ZNF619: variants seen among roughly 807,000 people sequenced by gnomAD.
ZNF619 encodes zinc finger protein 619.
In ZNF619, 9 loss-of-function variants were observed where a neutral mutation model predicts 14.2. The observed-to-expected ratio is 0.64, with a 90% confidence interval of 0.38 to 1.11. The LOEUF (loss-of-function observed/expected upper bound fraction) is 1.11, where lower values mean the gene tolerates loss of function less well. ZNF619 is among the 50% of genes least tolerant of loss of function. The pLI is 0.01. For synonymous variants in ZNF619, 246 were observed against 252.8 expected (o/e 0.97, Z 0.26); for missense variants, 659 against 680.1 (o/e 0.97, Z 0.34).
rs1230290372 is a variant in ZNF619, at chr3:40,489,459, G to T, written c.*1218G>T. 1 of 152,414 alleles carries T rather than the reference G, an allele frequency of 6.6e-6. No homozygotes were observed. Among genetic ancestry groups the T allele is most frequent in the African/African-American group, 2.4e-5 (1 of 41,252 alleles). 9.4% of individuals were successfully genotyped at this position (152,414 alleles called of 1,614,324 possible). A position where few individuals can be genotyped will look rare whatever the true frequency, so the allele number is the denominator to read the frequency against. On this transcript the variant is annotated 3_prime_UTR_variant, in exon 5 of 5. Coordinates refer to ENST00000432264, the MANE Select transcript of ZNF619 (RefSeq NM_001145093.4). The stretch of plus-strand genomic sequence containing the variant: ...GACAGAGTTTTGCCATGTTGCCCAG[G>T]CTGGTCTCAAAACTCCTGGACTCAA...
Position 40,482,000 on chromosome 3 carries a change from A to G in ZNF619, c.162A>G (p.Ala54=). 6.2e-7 allele frequency: 1 copy of G among 1,600,592 alleles called. No individual in the cohort carries two copies. Among genetic ancestry groups the G allele is most frequent in the Non-Finnish European group, 8.5e-7 (1 of 1,175,386 alleles). ...GGGAGGTGATGCTGGAGAATTATGCAAATGTGACTTCCTTGTGTAAGTCCT... is the reference window on the plus strand; with the variant it reads ...GGGAGGTGATGCTGGAGAATTATGCGAATGTGACTTCCTTGTGTAAGTCCT... ...LYREVMLENY[A]NVTSLSAFPF... Residue 54 remains alanine, a synonymous_variant, in exon 3 of 5, where the codon GCA becomes GCG. Coordinates refer to ENST00000432264, the MANE Select transcript of ZNF619 (RefSeq NM_001145093.4).
intron 4 of ZNF619, among the ~76,000 whole-genome samples, chr3:40,483,327 G>A (rs58878168): frequency 0.029 from 4,162 of 141,370 alleles, 205 homozygotes; most frequent in African/African-American, 0.1. Context: ...GTCTCGCTTT[G>A]TTGCCTAGGC....
At chr3:40,484,639 C>G (rs1026933543) in intron 4 of ZNF619, among the ~76,000 whole-genome samples, 6 of 152,212 alleles carry the variant, frequency 3.9e-5, no homozygotes, top group African/African-American at 1.4e-4. Flanking sequence ...TGTACATTTT[C>G]TATTTAGCCT....
chr3:40,483,247 G>A (rs1049437570), intron 4 of ZNF619, among the ~76,000 whole-genome samples: 2 of 151,276 alleles, frequency 1.3e-5, no homozygotes, highest in African/African-American at 2.4e-5. Context: ...CTGTTGGTTC[G>A]TCAGCTCAGG....
rs1246655706 is a variant in ZNF619, at chr3:40,488,529, G to A, written c.*288G>A. On this transcript the variant is annotated 3_prime_UTR_variant, in exon 5 of 5. Transcript: ENST00000432264. ...TGGAAGAGTTTGCAGAACATTTTGG[G>A]GTTTAGGGCATATGGCATTATGATT... 2 of 388,646 alleles carry A rather than the reference G, an allele frequency of 5.1e-6. No individual in the cohort carries two copies. Among genetic ancestry groups the A allele is most frequent in the Non-Finnish European group, 9.2e-6 (2 of 218,482 alleles). 24.1% of individuals were successfully genotyped at this position (388,646 alleles called of 1,614,324 possible).
At position 40,482,688 on chromosome 3, in the gene ZNF619, G is replaced by C; in HGVS notation, c.279G>C (p.Leu93=). Residue 93 remains leucine, a synonymous_variant, in exon 4 of 5, where the codon CTG becomes CTC. Transcript: ENST00000432264. ...GGACACTTGCTGGGGGAGAGGCCCT[G>C]AGAGGCATGTGCACAGGTGAGCAGG... is the stretch of plus-strand genomic sequence containing the variant. ...DPWTLAGGEA[L]RGMCTGGKTK... 2 of 1,613,782 alleles carry C rather than the reference G, an allele frequency of 1.2e-6. No homozygotes were observed. The highest frequency in any genetic ancestry group is 1.7e-6 in the Non-Finnish European group (2 of 1,179,830).
At chr3:40,477,580 G>C (rs1435086025) in intron 1 of ZNF619, among the ~76,000 whole-genome samples, 1 of 152,212 alleles carries the variant, frequency 6.6e-6, no homozygotes, top group Middle Eastern at 3.4e-3. Flanking sequence ...ACTTGTTTTG[G>C]GTTTTTGCCA....
chr3:40,480,053 CTAAG>C (rs1278561834), intron 2 of ZNF619, among the ~76,000 whole-genome samples: 3 of 152,066 alleles, frequency 2.0e-5, no homozygotes, highest in Admixed American at 1.3e-4. Flanking sequence ...TCTGGAGAAG[CTAAG>C]TGTTTCAGAA....
In ZNF619 at chr3:40,488,497, C is replaced by G. The variant is rs1697714657; in HGVS notation, c.*256C>G. 2.2e-6 allele frequency: 1 copy of G among 449,638 alleles called. No homozygotes were observed. Among genetic ancestry groups the G allele is most frequent in the Non-Finnish European group, 3.9e-6 (1 of 256,264 alleles). 27.9% of individuals were successfully genotyped at this position (449,638 alleles called of 1,614,324 possible). On this transcript the variant is annotated 3_prime_UTR_variant, in exon 5 of 5. Transcript: ENST00000432264. ...AGTCTGCATCTCTCTTCTGGGGCTA[C>G]TGGAGTTGGAAGAGTTTGCAGAACA...
Position 40,488,204 on chromosome 3 carries a change from C to A in ZNF619, c.1694C>A (p.Ser565Tyr), listed in dbSNP as rs752905504. 1.9e-6 allele frequency: 3 copies of A among 1,600,568 alleles called. No homozygotes were observed. The South Asian group carries it at 3.4e-5, about 18-fold the overall frequency. The change falls in exon 5 of 5, where the codon TCC becomes TAC. Residue 565 changes from serine to tyrosine, a missense_variant. Ser to Tyr is a moderately radical substitution (Grantham distance 144, BLOSUM62 -2). Transcript: ENST00000432264. ...GATCTCGCTTTTCCTGGGAAGTCAT[C>A]CCTTCAGAGCCCGAATCCTTTGTCT... ...FQDLAFPGKSSLQSPNPLSHS... is the reference protein window; with the variant it reads ...FQDLAFPGKSYLQSPNPLSHS...
chr3:40,482,401 T>C, intron 3 of ZNF619, 187 bp from the exon 4 acceptor site: 1 of 1,594,762 alleles, frequency 6.3e-7, no homozygotes, highest in Non-Finnish European at 8.6e-7. Context: ...TCTGGGAGCA[T>C]TCTGTCCTCT....
chr3:40,477,752 A>G, intron 1 of ZNF619, 166 bp from the exon 2 acceptor site: 1 of 554,460 alleles, frequency 1.8e-6, no homozygotes, highest in South Asian at 2.1e-5. Context: ...TCTATAGGAG[A>G]ATATGCAGAG....
At chr3:40,478,119 ATG>A in intron 2 of ZNF619, 116 bp downstream of exon 2, 1 of 984,340 alleles carries the variant, frequency 1.0e-6, no homozygotes. Context: ...TCAATAAAGT[ATG>A]TAAAAACAGT....
chr3:40,480,808 C>G (rs1697366429), intron 2 of ZNF619, among the ~76,000 whole-genome samples: 1 of 152,116 alleles, frequency 6.6e-6, no homozygotes, highest in East Asian at 1.9e-4. Flanking sequence ...CCCAAATCTT[C>G]TAGTACTTCT....
Position 40,478,811 on chromosome 3 carries a change from A to C in ZNF619, c.24+808A>C, listed in dbSNP as rs560541318. ...AAAGCTCCATCCCAAGGACTTAAAA[A>C]CAATGTGTGTGTCCTTTTGGTGGAT... On this transcript the variant is annotated intron_variant, in intron 2 of 4. Transcript: ENST00000432264. Among the ~76,000 whole-genome samples the C allele has an allele frequency of 3.3e-5, 5 of 151,876 alleles. No homozygotes were observed. In the South Asian group the frequency reaches 1.0e-3, roughly 32 times the overall value.
chr3:40,481,350 G>C (rs1171995558), intron 2 of ZNF619, among the ~76,000 whole-genome samples: 2 of 152,204 alleles, frequency 1.3e-5, no homozygotes, highest in Non-Finnish European at 2.9e-5. Context: ...AAGTAACACT[G>C]CACATCACCT....
chr3:40,479,293 T>C lies in ZNF619; in HGVS notation c.24+1290T>C, dbSNP rs542791808. 1.5e-4 allele frequency among the ~76,000 whole-genome samples: 23 copies of C among 152,336 alleles called. No homozygotes were observed. In the South Asian group the frequency reaches 3.9e-3, roughly 26 times the overall value. Reference sequence around the variant, plus strand: ...TTGCATTTCATTGGCCCCACTTGGTTGCCCGGGTTGAGTGCAACCTCAAGT... The same window carrying C: ...TTGCATTTCATTGGCCCCACTTGGTCGCCCGGGTTGAGTGCAACCTCAAGT... On this transcript the variant is annotated intron_variant, in intron 2 of 4. Transcript: ENST00000432264.
rs1039219961 is a variant in ZNF619 at position 40,490,000 on chromosome 3, A to G, written c.*1759A>G. The G allele has an allele frequency of 3.3e-5, 5 of 152,140 alleles. No homozygotes were observed. Among genetic ancestry groups the G allele is most frequent in the Non-Finnish European group, 7.3e-5 (5 of 68,036 alleles). 9.4% of individuals were successfully genotyped at this position (152,140 alleles called of 1,614,324 possible). A position where few individuals can be genotyped will look rare whatever the true frequency, so the allele number is the denominator to read the frequency against. ...CAGTACTGGGTGGGGGGTCTTTAAG[A>G]GGTGATCAGGATTAGCCAAGTTCAT... On this transcript the variant is annotated 3_prime_UTR_variant, in exon 5 of 5. Coordinates refer to ENST00000432264, the MANE Select transcript of ZNF619 (RefSeq NM_001145093.4).
intron 4 of ZNF619, among the ~76,000 whole-genome samples, chr3:40,484,509 C>T (rs1457030096): frequency 6.6e-6 from 1 of 152,172 alleles, no homozygotes; most frequent in Non-Finnish European, 1.5e-5. Flanking sequence ...GGCAAATGCT[C>T]CTTTCTAATT....
Sources: allele counts gnomAD v4.1 joint callset (sites outside exome capture counted in the v4.1 genomes callset), GRCh38; gene constraint gnomAD v4.1.1; transcripts MANE v1.5; gene names NCBI Gene and HGNC (gene_info 2026-07-23, HGNC 2026-07-21).